The following KLC4 variants were observed in gnomAD, a reference collection of about 807,000 sequenced individuals.
The protein encoded by KLC4 is kinesin-like protein 8.
A neutral mutation model predicts 77.2 loss-of-function variants in KLC4; 49 were observed. The observed-to-expected ratio is 0.63, with a 90% CI of 0.50 to 0.80. The LOEUF is 0.80. KLC4 is among the 30% of genes least tolerant of loss of function. The probability of loss-of-function intolerance (pLI) is 0.00; values close to 1 mark genes in which losing one functional copy is unlikely to be tolerated. For synonymous variants in KLC4, 274 were observed against 314.5 expected (o/e 0.87, Z 1.36); for missense variants, 669 against 793.5 (o/e 0.84, Z 1.89).
rs758043910 is a variant in KLC4 at position 43,065,671 on chromosome 6, A to C, written c.541A>C (p.Asn181His). ...GGATTCCCTGGATGACCTCTTTCCT[A>C]ATGAGGAGGAAGAGGACCCCAGCAA... ...TKDSLDDLFP[N>H]EEEEDPSNGL... The change falls in exon 4 of 16, where the codon AAT (asparagine) becomes CAT (histidine). Residue 181 changes from asparagine to histidine, a missense_variant. Asn to His is a moderately conservative substitution (Grantham distance 68). Transcript: ENST00000347162. 6.2e-7 allele frequency: 1 copy of C among 1,613,612 alleles called. No individual in the cohort carries two copies. The highest frequency in any genetic ancestry group is 1.1e-5 in the South Asian group (1 of 91,072).
At position 43,061,360 on chromosome 6, in the gene KLC4, C is replaced by T. The variant is rs201506218; in HGVS notation, c.25C>T (p.Arg9Trp). ...GATGTCAGGCCTGGTGTTGGGGCAG[C>T]GGGATGAGCCTGCAGGCCACCGGCT... is the stretch of plus-strand genomic sequence containing the variant. The part of the protein sequence containing the change: MSGLVLGQ[R>W]DEPAGHRLSQ... Residue 9 changes from arginine to tryptophan, a missense_variant, in exon 2 of 16, where the codon CGG becomes TGG. Physicochemically the swap from Arg to Trp is moderately radical, Grantham distance 101. Transcript: ENST00000347162. 5.5e-5 allele frequency: 89 copies of T among 1,613,660 alleles called. No individual in the cohort carries two copies. The highest frequency in any genetic ancestry group is 8.9e-5 in the East Asian group (4 of 44,884).
chr6:43,066,278 C>T lies in KLC4; in HGVS notation c.572-28C>T, dbSNP rs150124358. Reference sequence around the variant, plus strand: ...AGACAGCAAAGGGGAGAGGAAGAGTCCTTTGTTTATGTTCTGTGATGGTTT... The same window carrying T: ...AGACAGCAAAGGGGAGAGGAAGAGTTCTTTGTTTATGTTCTGTGATGGTTT... On this transcript the variant is annotated intron_variant, in intron 4 of 15. Coordinates refer to ENST00000347162, the MANE Select transcript of KLC4 (RefSeq NM_201521.3). 2.8e-4 allele frequency: 448 copies of T among 1,588,164 alleles called. 3 individuals carry two copies. The African/African-American group carries it at 5.5e-3, about 20-fold the overall frequency.
rs188231398 is a variant in KLC4 at position 43,070,098 on chromosome 6, A to C, written c.880-256A>C. Among the ~76,000 whole-genome samples, 436 of 136,044 alleles carry C rather than the reference A, an allele frequency of 3.2e-3. 1 individual carries two copies. The highest frequency in any genetic ancestry group is 0.015 in the Middle Eastern group (4 of 274). The allele number at this position is 136,044 out of a possible 152,430, so 89.3% of individuals were successfully genotyped here. On this transcript the variant is annotated intron_variant, in intron 6 of 15. Coordinates refer to ENST00000347162, the MANE Select transcript of KLC4 (RefSeq NM_201521.3). Reference sequence around the variant, plus strand: ...TTCATGGTGACAACAACAACAACAAAAAAAAAAAAAAAAGAAAGAAAAAAA... The same window carrying C: ...TTCATGGTGACAACAACAACAACAACAAAAAAAAAAAAAGAAAGAAAAAAA...
intron 14 of KLC4, chr6:43,073,647 C>CAAAA: frequency 3.1e-6 from 1 of 327,088 alleles, no homozygotes; most frequent in Non-Finnish European, 5.3e-6. Flanking sequence ...GACTCCGTCT[C>CAAAA]AAAAAAAAAA....
intron 3 of KLC4, among the ~76,000 whole-genome samples, chr6:43,064,329 G>A (rs1765310259): frequency 6.6e-6 from 1 of 152,154 alleles, no homozygotes; most frequent in Non-Finnish European, 1.5e-5. Flanking sequence ...GAAGCAGGGA[G>A]CCTGGGCAAC....
In KLC4 at chr6:43,059,843, CCAGA is replaced by C. The variant is rs988569087; in HGVS notation, c.-26+163_-26+166del. ...GCGATTCTTCCCCGCCCCTCGGCGT[CCAGA>C]CAGATAGACAGACGACCTGCCCCGC... is the stretch of plus-strand genomic sequence containing the variant. On this transcript the variant is annotated intron_variant, in intron 1 of 15. Coordinates refer to ENST00000347162, the MANE Select transcript of KLC4 (RefSeq NM_201521.3). 8.5e-6 allele frequency: 10 copies of C among 1,172,780 alleles called. No homozygotes were observed. In the African/African-American group the frequency reaches 1.1e-4, roughly 13 times the overall value. The allele number at this position is 1,172,780 out of a possible 1,614,324, so 72.6% of individuals were successfully genotyped here. A position where few individuals can be genotyped will look rare whatever the true frequency, so the allele number is the denominator to read the frequency against.
In KLC4 at chr6:43,069,724, T is replaced by A. The variant is rs185251010; in HGVS notation, c.880-630T>A. 6.6e-3 allele frequency among the ~76,000 whole-genome samples: 1,000 copies of A among 152,076 alleles called. 3 individuals are homozygous for A. Among genetic ancestry groups the A allele is most frequent in the Admixed American group, 0.011 (169 of 15,266 alleles). ...CCACTACGCCTGGCTAATTTTGTAC[T>A]TTTAGTAGAGACGGGGTTTCTCCAT... On this transcript the variant is annotated intron_variant, in intron 6 of 15. Transcript: ENST00000347162.
chr6:43,060,947 A>G (rs1765117075), intron 1 of KLC4: 1 of 221,856 alleles, frequency 4.5e-6, no homozygotes, highest in African/African-American at 2.3e-5. Context: ...GCTCTCCCAC[A>G]GACCTTCTGT....
At position 43,063,130 on chromosome 6, in the gene KLC4, G is replaced by A. The variant is rs1765248670; in HGVS notation, c.472G>A (p.Glu158Lys). The part of the protein sequence containing the change: ...EFLGQLRQYD[E>K]DGHTSEEKEG... The stretch of plus-strand genomic sequence containing the variant: ...CCTGGGGCAGCTGCGGCAGTATGAT[G>A]AGGATGGACATACCTCGGTGAGTGT... The change falls in exon 3 of 16, where the codon GAG (glutamate) becomes AAG (lysine). Residue 158 changes from glutamate to lysine, a missense_variant. Glu to Lys is a moderately conservative substitution (Grantham distance 56). Transcript: ENST00000347162. 1.9e-6 allele frequency: 3 copies of A among 1,613,670 alleles called. No individual in the cohort carries two copies. The highest frequency in any genetic ancestry group is 1.7e-6 in the Non-Finnish European group (2 of 1,179,640).
intron 3 of KLC4, among the ~76,000 whole-genome samples, chr6:43,065,212 T>C (rs1452380088): frequency 6.6e-6 from 1 of 152,094 alleles, no homozygotes; most frequent in African/African-American, 2.4e-5. Flanking sequence ...GTAGCTGGGA[T>C]TATAGGCATG....
chr6:43,066,264 G>A, intron 4 of KLC4, 42 bp from the exon 5 acceptor site: 1 of 1,535,880 alleles, frequency 6.5e-7, no homozygotes, highest in Non-Finnish European at 9.0e-7. Context: ...GACAGCAAAG[G>A]GGAGAGGAAG....
rs1165310724 is a variant in KLC4, at chr6:43,070,337, C to T, written c.880-17C>T. ...TTGCAACCCAAATGTCTGATGGGGA[C>T]AGGCCTGTCTTCATAGGTGGCTGCC... On this transcript the variant is annotated splice_polypyrimidine_tract_variant and intron_variant, in intron 6 of 15. Coordinates refer to ENST00000347162, the MANE Select transcript of KLC4 (RefSeq NM_201521.3). 3 of 1,591,470 alleles carry T rather than the reference C, an allele frequency of 1.9e-6. No homozygotes were observed. The highest frequency in any genetic ancestry group is 2.2e-5 in the East Asian group (1 of 44,772).
chr6:43,067,903 G>A (rs1765521883), intron 6 of KLC4, among the ~76,000 whole-genome samples: 1 of 120,914 alleles, frequency 8.3e-6, no homozygotes, highest in Non-Finnish European at 1.6e-5. Flanking sequence ...ACGAGGTCAG[G>A]AGATCGAGAC....
At chr6:43,060,228 GGAGT>G in intron 1 of KLC4, 2 of 1,614,194 alleles carry the variant, frequency 1.2e-6, no homozygotes, top group Non-Finnish European at 1.7e-6. Context: ...GACTGGGTTT[GGAGT>G]GACCAGGTGT....
At position 43,063,667 on chromosome 6, in the gene KLC4, C is replaced by T. The variant is rs139737031; in HGVS notation, c.489+520C>T. 6.0e-3 allele frequency among the ~76,000 whole-genome samples: 914 copies of T among 151,554 alleles called. 17 individuals are homozygous for T. The highest frequency in any genetic ancestry group is 0.035 in the East Asian group (183 of 5,178). ...CTCCCGGGTTCAAGCAATTCTCCTG[C>T]CTCAGCCTCTTGAGTAGCTAGGATT... is the stretch of plus-strand genomic sequence containing the variant. On this transcript the variant is annotated intron_variant, in intron 3 of 15. Transcript: ENST00000347162.
chr6:43,072,810 C>A lies in KLC4; in HGVS notation c.1489-14C>A. ...AAGGAGTAGGAAGTCCCAGGTCCTT[C>A]CTTTTCCTTCCAGGGCACTGACCCT... On this transcript the variant is annotated splice_polypyrimidine_tract_variant and intron_variant, in intron 12 of 15. Coordinates refer to ENST00000347162, the MANE Select transcript of KLC4 (RefSeq NM_201521.3). The A allele has an allele frequency of 6.2e-7, 1 of 1,613,500 alleles. No homozygotes were observed. The highest frequency in any genetic ancestry group is 2.2e-5 in the East Asian group (1 of 44,870).
At chr6:43,063,189 G>A (rs374962916) in intron 3 of KLC4, 42 bp downstream of exon 3, 12 of 1,481,792 alleles carry the variant, frequency 8.1e-6, no homozygotes, top group African/African-American at 4.1e-5. Context: ...GTGGGCAGCC[G>A]GGAGTTACCA....
intron 13 of KLC4, 120 bp downstream of exon 13, chr6:43,073,084 C>A: frequency 1.5e-6 from 2 of 1,373,766 alleles, no homozygotes; most frequent in South Asian, 1.4e-5. Context: ...CTCTGGGAGC[C>A]AGTTTTTGAC....
intron 11 of KLC4, 34 bp downstream of exon 11, chr6:43,071,956 G>C (rs575107877): frequency 5.7e-6 from 9 of 1,585,078 alleles, no homozygotes; most frequent in Non-Finnish European, 7.7e-6. Flanking sequence ...CTTGGCCTCC[G>C]ATGCCCTCCA....
Sources: allele counts gnomAD v4.1 joint callset (sites outside exome capture counted in the v4.1 genomes callset), GRCh38; gene constraint gnomAD v4.1.1; transcripts MANE v1.5; gene names NCBI Gene and HGNC (gene_info 2026-07-23, HGNC 2026-07-21).